FGF10: variants seen among roughly 807,000 people sequenced by gnomAD.
The protein encoded by FGF10 is fibroblast growth factor 10.
A neutral mutation model predicts 19.8 loss-of-function variants in FGF10; 2 were observed. The ratio of observed to expected loss-of-function variants is 0.10; its 90% CI spans 0.04 to 0.32. The LOEUF is 0.32. Ranked by LOEUF, FGF10 falls within the 10% of genes least tolerant of loss-of-function variation. The pLI, the probability that FGF10 is intolerant of heterozygous loss-of-function variation, is 1.00. For synonymous variants in FGF10, 112 were observed against 94.0 expected, an observed-to-expected ratio of 1.19 and a Z score of -1.10; for missense variants, 191 against 246.3, an observed-to-expected ratio of 0.78 and a Z score of 1.50.
rs189064328 is a variant in FGF10, at chr5:44,325,103, G to A, written c.326-14573C>T. Among the ~76,000 whole-genome samples the A allele has an allele frequency of 3.0e-3, 464 of 152,134 alleles. 3 individuals carry two copies. Among genetic ancestry groups the A allele is most frequent in the Admixed American group, 4.5e-3 (68 of 15,254 alleles). On this transcript the variant is annotated intron_variant, in intron 1 of 2. Coordinates refer to ENST00000264664, the MANE Select transcript of FGF10 (RefSeq NM_004465.2). ...AGGATATGAGCAGACACAAAAGAAG[G>A]CATTTATGCAGCCAAAAGACACATG...
rs1302444297 is a variant in FGF10, at chr5:44,303,441, T to C, written c.*1554A>G. 2 of 152,132 alleles carry C rather than the reference T, an allele frequency of 1.3e-5. No homozygotes were observed. Among genetic ancestry groups the C allele is most frequent in the African/African-American group, 4.8e-5 (2 of 41,448 alleles). 9.4% of individuals were successfully genotyped at this position (152,132 alleles called of 1,614,324 possible). On this transcript the variant is annotated 3_prime_UTR_variant, in exon 3 of 3. Transcript: ENST00000264664. ...TTTTTCAAAACAAGAAATATGAAGA[T>C]AAAACTGCAGCATCAATATACTATT...
chr5:44,301,197 CT>C lies in FGF10; in HGVS notation c.*3797del, dbSNP rs1459761730. Among the ~76,000 whole-genome samples, 13 of 152,100 alleles carry C rather than the reference CT, an allele frequency of 8.5e-5. No individual in the cohort carries two copies. The South Asian group carries it at 1.7e-3, about 19-fold the overall frequency. ...CAAGAACTCTTAATCAATATGGTAT[CT>C]GTTTGCATGTATATGTCCTACTTCT... On this transcript the variant is annotated 3_prime_UTR_variant, in exon 3 of 3. Coordinates refer to ENST00000264664, the MANE Select transcript of FGF10 (RefSeq NM_004465.2).
At chr5:44,375,761 G>A (rs1741839311) in intron 1 of FGF10, among the ~76,000 whole-genome samples, 2 of 152,038 alleles carry the variant, frequency 1.3e-5, no homozygotes, top group East Asian at 1.9e-4. Flanking sequence ...TAAAATGCCA[G>A]AACAAGAGAC....
intron 1 of FGF10, among the ~76,000 whole-genome samples, chr5:44,363,975 G>C (rs1741548406): frequency 6.6e-6 from 1 of 151,692 alleles, no homozygotes; most frequent in South Asian, 2.1e-4. Context: ...GAATTGCATT[G>C]TAGAATTCAC....
At position 44,302,299 on chromosome 5, in the gene FGF10, C is replaced by T. The variant is rs923504847; in HGVS notation, c.*2696G>A. ...CTTTCCTTGCTTCCTTCCTTCCTTC[C>T]TTCCTTCCTTCCTTCCTTCCTTCCT... On this transcript the variant is annotated 3_prime_UTR_variant, in exon 3 of 3. Coordinates refer to ENST00000264664, the MANE Select transcript of FGF10 (RefSeq NM_004465.2). Among the ~76,000 whole-genome samples the T allele has an allele frequency of 1.5e-5, 2 of 136,468 alleles. No homozygotes were observed. The highest frequency in any genetic ancestry group is 3.2e-5 in the Non-Finnish European group (2 of 62,558). The allele number at this position is 136,468 out of a possible 152,430, so 89.5% of individuals were successfully genotyped here.
At chr5:44,350,400 G>GA (rs945322438) in intron 1 of FGF10, among the ~76,000 whole-genome samples, 13 of 150,274 alleles carry the variant, frequency 8.7e-5, no homozygotes, top group African/African-American at 2.9e-4. Flanking sequence ...TAGATACAGG[G>GA]AAAAAAATAA....
At position 44,301,760 on chromosome 5, in the gene FGF10, G is replaced by A. The variant is rs1186781950; in HGVS notation, c.*3235C>T. Among the ~76,000 whole-genome samples the A allele has an allele frequency of 6.6e-6, 1 of 152,024 alleles. No homozygotes were observed. The highest frequency in any genetic ancestry group is 6.6e-5 in the Admixed American group (1 of 15,242). On this transcript the variant is annotated 3_prime_UTR_variant, in exon 3 of 3. Transcript: ENST00000264664. ...TCTGTTGTTGTTGTTTGGGGCTGTG[G>A]GGCATTTAACCACATCCTGCCATGC...
At chr5:44,385,681 T>G (rs1742080920) in intron 1 of FGF10, among the ~76,000 whole-genome samples, 1 of 152,174 alleles carries the variant, frequency 6.6e-6, no homozygotes, top group African/African-American at 2.4e-5. Flanking sequence ...AGGTTAGAGA[T>G]CCTAGTATTT....
intron 1 of FGF10, among the ~76,000 whole-genome samples, chr5:44,345,246 A>AT (rs1741061481): frequency 4.6e-5 from 7 of 151,922 alleles, no homozygotes; most frequent in Non-Finnish European, 1.0e-4. Flanking sequence ...TAATGAATAT[A>AT]GAATGAGAAA....
At chr5:44,349,433 T>C (rs1224492931) in intron 1 of FGF10, among the ~76,000 whole-genome samples, 1 of 22,714 alleles carries the variant, frequency 4.4e-5, no homozygotes, top group Non-Finnish European at 8.9e-5. Flanking sequence ...TATATATATA[T>C]ATATATATAT....
At chr5:44,353,931 G>A (rs1229210894) in intron 1 of FGF10, among the ~76,000 whole-genome samples, 1 of 151,392 alleles carries the variant, frequency 6.6e-6, no homozygotes, top group Non-Finnish European at 1.5e-5. Context: ...CACCTATTAT[G>A]TCATAAGTAA....
At chr5:44,325,626 A>C (rs1579906336) in intron 1 of FGF10, among the ~76,000 whole-genome samples, 1 of 152,074 alleles carries the variant, frequency 6.6e-6, no homozygotes, top group East Asian at 1.9e-4. Flanking sequence ...TCAGCAAACT[A>C]TCACAAGGAC....
rs528078498 is a variant in FGF10 at position 44,329,133 on chromosome 5, G to T, written c.326-18603C>A. Among the ~76,000 whole-genome samples the T allele has an allele frequency of 2.0e-5, 3 of 152,154 alleles. No individual in the cohort carries two copies. The South Asian group carries it at 6.2e-4, about 32-fold the overall frequency. On this transcript the variant is annotated intron_variant, in intron 1 of 2. Coordinates refer to ENST00000264664, the MANE Select transcript of FGF10 (RefSeq NM_004465.2). Reference sequence around the variant, plus strand: ...GTGCTCTTACTGTTAGTAAATAGGTGCATTTCATTGATTCCTTTTGGTTTT... The same window carrying T: ...GTGCTCTTACTGTTAGTAAATAGGTTCATTTCATTGATTCCTTTTGGTTTT...
intron 2 of FGF10, among the ~76,000 whole-genome samples, chr5:44,308,476 G>T (rs1243303794): frequency 6.6e-6 from 1 of 152,092 alleles, no homozygotes; most frequent in Non-Finnish European, 1.5e-5. Context: ...TCTCTTCAAA[G>T]AATATGTACC....
chr5:44,315,182 CAA>C (rs34267996), intron 1 of FGF10, among the ~76,000 whole-genome samples: 22,412 of 126,492 alleles, frequency 0.18, 3,732 homozygotes, highest in African/African-American at 0.44. Context: ...AATGACAATA[CAA>C]AAAAAAAAAA....
In FGF10 at chr5:44,304,979, CA is replaced by C. The variant is rs1561194927; in HGVS notation, c.*15del. Reference sequence around the variant, plus strand: ...AGAGCCATTGGTTCTACTGCATCCACAAACGTTGCCTTCCTCTATGAGTGTA... The same window carrying C: ...AGAGCCATTGGTTCTACTGCATCCACAACGTTGCCTTCCTCTATGAGTGTA... On this transcript the variant is annotated 3_prime_UTR_variant, in exon 3 of 3. Coordinates refer to ENST00000264664, the MANE Select transcript of FGF10 (RefSeq NM_004465.2). The C allele has an allele frequency of 6.2e-7, 1 of 1,613,400 alleles. No individual in the cohort carries two copies. The highest frequency in any genetic ancestry group is 8.5e-7 in the Non-Finnish European group (1 of 1,179,388).
At chr5:44,311,664 A>G (rs1037104623) in intron 1 of FGF10, among the ~76,000 whole-genome samples, 1 of 152,084 alleles carries the variant, frequency 6.6e-6, no homozygotes, top group Non-Finnish European at 1.5e-5. Context: ...CTTAATTATC[A>G]TCAGAGGGTA....
In FGF10 at chr5:44,326,958, C is replaced by T. The variant is rs1232087804; in HGVS notation, c.326-16428G>A. On this transcript the variant is annotated intron_variant, in intron 1 of 2. Coordinates refer to ENST00000264664, the MANE Select transcript of FGF10 (RefSeq NM_004465.2). Reference sequence around the variant, plus strand: ...CACTACAGGAAAAGGGAAGCTGTTCCTCTGTTGGCAGGTATTCCCTATTTA... The same window carrying T: ...CACTACAGGAAAAGGGAAGCTGTTCTTCTGTTGGCAGGTATTCCCTATTTA... Among the ~76,000 whole-genome samples the T allele has an allele frequency of 2.6e-5, 4 of 152,074 alleles. No homozygotes were observed. The East Asian group carries it at 7.7e-4, about 29-fold the overall frequency.
intron 1 of FGF10, among the ~76,000 whole-genome samples, chr5:44,327,784 C>T (rs1740646679): frequency 6.6e-6 from 1 of 152,154 alleles, no homozygotes; most frequent in South Asian, 2.1e-4. Context: ...GACTTAAAGA[C>T]TACTAGGAAG....
Sources: allele counts gnomAD v4.1 joint callset (sites outside exome capture counted in the v4.1 genomes callset), GRCh38; gene constraint gnomAD v4.1.1; transcripts MANE v1.5; gene names NCBI Gene and HGNC (gene_info 2026-07-23, HGNC 2026-07-21).